The following DENND11 variants were observed in gnomAD, a reference collection of about 807,000 sequenced individuals.
DENND11 encodes DENN domain-containing protein 11.
A neutral mutation model predicts 49.2 loss-of-function variants in DENND11; 34 were observed. The ratio of observed to expected loss-of-function variants is 0.69; its 90% CI spans 0.53 to 0.92. The LOEUF (loss-of-function observed/expected upper bound fraction) is 0.92, where lower values mean the gene tolerates loss of function less well. Ranked by LOEUF, DENND11 falls within the 40% of genes least tolerant of loss-of-function variation. The pLI, the probability that DENND11 is intolerant of heterozygous loss-of-function variation, is 0.00. For synonymous variants in DENND11, 238 were observed against 230.3 expected (o/e 1.03, Z -0.30); for missense variants, 475 against 581.6 (o/e 0.82, Z 1.88).
At chr7:141,689,722 T>G (rs1462646330) in intron 1 of DENND11, among the ~76,000 whole-genome samples, 1 of 152,172 alleles carries the variant, frequency 6.6e-6, no homozygotes, top group Non-Finnish European at 1.5e-5. Context: ...AACAGAAACC[T>G]CCCTCATAGC....
rs1453479868 is a variant in DENND11 at position 141,685,462 on chromosome 7, T to C, written c.527+16A>G. On this transcript the variant is annotated intron_variant, in intron 3 of 8. Coordinates refer to ENST00000536163, the MANE Select transcript of DENND11 (RefSeq NM_001080392.2). ...GGATCCTGCTGCCTCCCTGCACATG[T>C]ACGGAAGCCACGTACCGAACCTGGT... 5 of 1,613,384 alleles carry C rather than the reference T, an allele frequency of 3.1e-6. No homozygotes were observed. Among genetic ancestry groups the C allele is most frequent in the Admixed American group, 1.7e-5 (1 of 60,014 alleles).
intron 1 of DENND11, 166 bp downstream of exon 1, chr7:141,701,720 T>G (rs1451225514): frequency 2.3e-5 from 11 of 474,564 alleles, no homozygotes; most frequent in Non-Finnish European, 3.0e-5. Context: ...AGCTGAGGAC[T>G]GGCCGACCCC....
At chr7:141,676,659 A>G (rs1056166867) in intron 3 of DENND11, among the ~76,000 whole-genome samples, 1 of 152,226 alleles carries the variant, frequency 6.6e-6, no homozygotes, top group Non-Finnish European at 1.5e-5. Flanking sequence ...TAAACACACT[A>G]CAGATTTTGC....
chr7:141,685,814 C>T (rs1209945335), intron 2 of DENND11, among the ~76,000 whole-genome samples, 178 bp from the exon 3 acceptor site: 1 of 152,304 alleles, frequency 6.6e-6, no homozygotes, highest in Admixed American at 6.5e-5. Context: ...ACATAACTTG[C>T]CAAGGGTCAC....
intron 1 of DENND11, among the ~76,000 whole-genome samples, chr7:141,697,575 C>T (rs751871878): frequency 3.3e-5 from 5 of 152,172 alleles, no homozygotes; most frequent in Non-Finnish European, 7.3e-5. Context: ...CTCTTTGCAT[C>T]TTAAAATTGT....
chr7:141,688,288 T>C (rs932979676), intron 1 of DENND11, among the ~76,000 whole-genome samples: 1 of 152,204 alleles, frequency 6.6e-6, no homozygotes, highest in African/African-American at 2.4e-5. Context: ...CAAATCCTAA[T>C]TTGCTAGGCA....
In DENND11 at chr7:141,660,496, C is replaced by T. The variant is rs1227453566; in HGVS notation, c.*2160G>A. On this transcript the variant is annotated 3_prime_UTR_variant, in exon 9 of 9. Transcript: ENST00000536163. ...CAAAGGAAAAAACAGGAACTTCATT[C>T]TCACCCTGCTATGTTTACACCAGCA... 6.6e-6 allele frequency: 1 copy of T among 152,226 alleles called. No individual in the cohort carries two copies. The highest frequency in any genetic ancestry group is 1.5e-5 in the Non-Finnish European group (1 of 68,058). The allele number at this position is 152,226 out of a possible 1,614,324, so 9.4% of individuals were successfully genotyped here.
intron 3 of DENND11, among the ~76,000 whole-genome samples, chr7:141,684,530 ATGAGAGGATTTTTAAAAATCCTCT>A (rs1798199938): frequency 1.3e-5 from 2 of 152,210 alleles, no homozygotes; most frequent in African/African-American, 4.8e-5. Context: ...GTGTTAATAT[ATGAGAGGATTTTTAAAAATCCTCT>A]GTACTTTCAT....
At chr7:141,664,369 C>G (rs1172799474) in intron 7 of DENND11, 129 bp from the exon 8 acceptor site, 2 of 691,020 alleles carry the variant, frequency 2.9e-6, no homozygotes, top group Non-Finnish European at 5.1e-6. Context: ...AAGGGATCAA[C>G]AGGGTTTGGA....
intron 1 of DENND11, among the ~76,000 whole-genome samples, chr7:141,700,146 A>ACC (rs1798484311): frequency 6.6e-6 from 1 of 152,260 alleles, no homozygotes; most frequent in Non-Finnish European, 1.5e-5. Context: ...CTAAGACTCT[A>ACC]CCACTGGAGC....
intron 2 of DENND11, 75 bp from the exon 3 acceptor site, chr7:141,685,711 T>G: frequency 6.6e-7 from 1 of 1,507,272 alleles, no homozygotes; most frequent in South Asian, 1.2e-5. Flanking sequence ...ACAAAACAAA[T>G]GAACTGTGTT....
At chr7:141,699,158 A>G (rs1001475764) in intron 1 of DENND11, among the ~76,000 whole-genome samples, 1 of 152,146 alleles carries the variant, frequency 6.6e-6, no homozygotes, top group Non-Finnish European at 1.5e-5. Context: ...TTGGCAACAC[A>G]GGCGAAGGAG....
At chr7:141,687,185 GT>G (rs766155417) in intron 1 of DENND11, among the ~76,000 whole-genome samples, 6 of 151,980 alleles carry the variant, frequency 3.9e-5, no homozygotes, top group Non-Finnish European at 7.4e-5. Flanking sequence ...TACTATTTTA[GT>G]GCTTTTCCTA....
intron 1 of DENND11, among the ~76,000 whole-genome samples, chr7:141,687,343 C>T (rs1798258453): frequency 6.6e-6 from 1 of 152,134 alleles, no homozygotes; most frequent in Non-Finnish European, 1.5e-5. Context: ...GAGCTAGATG[C>T]TGGAGATACA....
intron 3 of DENND11, among the ~76,000 whole-genome samples, chr7:141,685,022 AAAAAAAAATATAT>A (rs1388926212): frequency 2.9e-5 from 3 of 102,146 alleles, no homozygotes; most frequent in Admixed American, 1.1e-4. Context: ...CAAAAAAAAA[AAAAAAAAATATAT>A]ATATATATAT....
Position 141,678,577 on chromosome 7 carries a change from T to C in DENND11, c.528-4357A>G, listed in dbSNP as rs573972323. On this transcript the variant is annotated intron_variant, in intron 3 of 8. Transcript: ENST00000536163. ...CAATAATATTTGATCCATATGGTTA[T>C]ATCTATACCCTATACCCTACCATTA... Among the ~76,000 whole-genome samples the C allele has an allele frequency of 2.6e-5, 4 of 152,368 alleles. No homozygotes were observed. The East Asian group carries it at 7.7e-4, about 29-fold the overall frequency.
At chr7:141,664,046 T>A in intron 8 of DENND11, 126 bp downstream of exon 8, 1 of 765,906 alleles carries the variant, frequency 1.3e-6, no homozygotes, top group Non-Finnish European at 2.1e-6. Flanking sequence ...GGAGCCCGGC[T>A]CTAAGTGCCC....
At chr7:141,677,071 G>A (rs572735373) in intron 3 of DENND11, among the ~76,000 whole-genome samples, 8 of 152,132 alleles carry the variant, frequency 5.3e-5, no homozygotes, top group Admixed American at 3.9e-4. Flanking sequence ...ATTCATCCAC[G>A]ATCAGAATCA....
chr7:141,676,872 G>A (rs928769957), intron 3 of DENND11, among the ~76,000 whole-genome samples: 3 of 152,140 alleles, frequency 2.0e-5, no homozygotes, highest in African/African-American at 2.4e-5. Context: ...TCCAAGAGCC[G>A]TGACACTGTA....
Sources: gnomAD v4.1 joint callset for allele counts (sites outside exome capture counted in the v4.1 genomes callset) on GRCh38, gnomAD v4.1.1 for gene constraint, MANE v1.5 for transcripts, NCBI Gene and HGNC (gene_info 2026-07-23, HGNC 2026-07-21) for gene names.